The following PPP6R3 variants were observed in gnomAD, a reference collection of about 807,000 sequenced individuals.
The protein encoded by PPP6R3 is serine/threonine-protein phosphatase 6 regulatory subunit 3.
Under a neutral mutation model 110.7 loss-of-function variants are expected in PPP6R3, and 38 were observed. That is an observed-to-expected ratio of 0.34 (90% CI 0.26 to 0.45). The LOEUF (loss-of-function observed/expected upper bound fraction) is 0.45. PPP6R3 is among the 20% of genes least tolerant of loss of function. The pLI, the probability that PPP6R3 is intolerant of heterozygous loss-of-function variation, is 1.00. For missense variants in PPP6R3, 870 were observed against 1,062.4 expected (o/e 0.82, Z 2.52); for synonymous variants, 369 against 373.5 (o/e 0.99, Z 0.14).
At chr11:68,527,679 T>C (rs1393577984) in intron 2 of PPP6R3, among the ~76,000 whole-genome samples, 1 of 152,270 alleles carries the variant, frequency 6.6e-6, no homozygotes, top group Non-Finnish European at 1.5e-5. Flanking sequence ...TTTTAATGCA[T>C]ACTTTCCTCA....
chr11:68,594,321 AAAG>A (rs1447438265), intron 18 of PPP6R3, among the ~76,000 whole-genome samples: 2 of 138,988 alleles, frequency 1.4e-5, no homozygotes, highest in African/African-American at 5.7e-5. Flanking sequence ...AGAGAGAGAA[AAAG>A]AGAGAGAGAG....
chr11:68,609,496 C>A (rs1395146782), intron 22 of PPP6R3: 2 of 1,162,376 alleles, frequency 1.7e-6, no homozygotes, highest in South Asian at 1.3e-5. Flanking sequence ...TTCACCGAGT[C>A]TGCAGTTTTG....
intron 21 of PPP6R3, among the ~76,000 whole-genome samples, chr11:68,602,560 G>A (rs545133725): frequency 1.6e-3 from 250 of 152,260 alleles, no homozygotes; most frequent in Non-Finnish European, 1.0e-4. Context: ...TGGAGGGCAC[G>A]AATCATGAGG....
At chr11:68,518,553 C>CT (rs1306436387) in intron 1 of PPP6R3, among the ~76,000 whole-genome samples, 2 of 152,160 alleles carry the variant, frequency 1.3e-5, no homozygotes, top group Non-Finnish European at 2.9e-5. Flanking sequence ...GCCACATGGT[C>CT]TGTTCTCATT....
intron 4 of PPP6R3, 49 bp downstream of exon 4, chr11:68,545,073 G>A (rs375322608): frequency 4.2e-6 from 6 of 1,421,198 alleles, no homozygotes; most frequent in East Asian, 2.3e-5. Flanking sequence ...TCATCCCCTT[G>A]AGGTGATCCC....
rs1365507924 is a variant in PPP6R3, at chr11:68,484,224, C to T, written c.-158+23397C>T. Among the ~76,000 whole-genome samples, 4 of 152,106 alleles carry T rather than the reference C, an allele frequency of 2.6e-5. No individual in the cohort carries two copies. The East Asian group carries it at 5.8e-4, about 22-fold the overall frequency. On this transcript the variant is annotated intron_variant, in intron 1 of 23. Coordinates refer to ENST00000393800, the MANE Select transcript of PPP6R3 (RefSeq NM_001164161.2). Reference sequence around the variant, plus strand: ...GGACGTAAGTTTTTTCACTTTACTTCGGCAGATACCAAGGAGTATGATTAC... The same window carrying T: ...GGACGTAAGTTTTTTCACTTTACTTTGGCAGATACCAAGGAGTATGATTAC...
intron 21 of PPP6R3, among the ~76,000 whole-genome samples, chr11:68,602,237 A>T (rs886690300): frequency 7.2e-5 from 11 of 152,148 alleles, no homozygotes; most frequent in African/African-American, 2.7e-4. Flanking sequence ...AGCCCATAGT[A>T]CCCAGGGTGA....
rs562693699 is a variant in PPP6R3, at chr11:68,551,940, G to T, written c.618+754G>T. ...TTTGTTATACTTCCTAGCCGTGGCT[G>T]TTAAGCTCTGACAGGTTTGGCCTTA... On this transcript the variant is annotated intron_variant, in intron 6 of 23. Transcript: ENST00000393800. Among the ~76,000 whole-genome samples, 4 of 152,330 alleles carry T rather than the reference G, an allele frequency of 2.6e-5. No homozygotes were observed. In the South Asian group the frequency reaches 8.3e-4, roughly 32 times the overall value.
At chr11:68,535,688 C>T (rs2099266344) in intron 2 of PPP6R3, among the ~76,000 whole-genome samples, 1 of 151,324 alleles carries the variant, frequency 6.6e-6, no homozygotes, top group Non-Finnish European at 1.5e-5. Flanking sequence ...CTTGGCCGGG[C>T]ACGGTAACTC....
intron 5 of PPP6R3, among the ~76,000 whole-genome samples, chr11:68,549,790 A>G (rs1358295075): frequency 6.6e-6 from 1 of 151,964 alleles, no homozygotes; most frequent in African/African-American, 2.4e-5. Context: ...GGAGAGAGAG[A>G]GCGATAGGAG....
intron 1 of PPP6R3, among the ~76,000 whole-genome samples, chr11:68,472,349 C>T (rs1325181741): frequency 1.3e-5 from 2 of 152,088 alleles, no homozygotes; most frequent in Non-Finnish European, 2.9e-5. Flanking sequence ...CTTCTTTGTC[C>T]TGCCATTGGA....
intron 15 of PPP6R3, 173 bp from the exon 16 acceptor site, chr11:68,587,754 T>C: frequency 2.9e-6 from 2 of 697,206 alleles, no homozygotes; most frequent in Non-Finnish European, 5.1e-6. Flanking sequence ...AAACGTTTCC[T>C]TTTTTGGCAA....
chr11:68,531,882 A>G (rs1429275079), intron 2 of PPP6R3, among the ~76,000 whole-genome samples: 2 of 152,210 alleles, frequency 1.3e-5, no homozygotes, highest in Non-Finnish European at 2.9e-5. Context: ...CCAGGTCTGT[A>G]AGATTCTTAG....
intron 14 of PPP6R3, among the ~76,000 whole-genome samples, chr11:68,582,386 C>T (rs530564841): frequency 2.6e-5 from 4 of 152,310 alleles, no homozygotes; most frequent in South Asian, 4.1e-4. Context: ...AATCACTTAA[C>T]GATGAATTGG....
At chr11:68,487,796 T>G (rs762584672) in intron 1 of PPP6R3, among the ~76,000 whole-genome samples, 12 of 152,180 alleles carry the variant, frequency 7.9e-5, no homozygotes, top group Non-Finnish European at 1.6e-4. Context: ...TAGTGTGGGC[T>G]CTCTTGGTGA....
intron 1 of PPP6R3, among the ~76,000 whole-genome samples, chr11:68,513,766 G>A (rs977503146): frequency 3.9e-5 from 6 of 152,208 alleles, no homozygotes; most frequent in Admixed American, 6.5e-5. Context: ...TGTTTTATGC[G>A]TTTTTTGCAC....
chr11:68,531,307 T>TTTTATTTATTTATTTA (rs67798708), intron 2 of PPP6R3, among the ~76,000 whole-genome samples: 253 of 137,008 alleles, frequency 1.8e-3, no homozygotes, highest in Middle Eastern at 0.011. Flanking sequence ...TGAGACTGTG[T>TTTTATTTATTTATTTA]TTTATTTATT....
chr11:68,486,015 A>G (rs909870066), intron 1 of PPP6R3, among the ~76,000 whole-genome samples: 1 of 138,286 alleles, frequency 7.2e-6, no homozygotes, highest in Non-Finnish European at 1.6e-5. Flanking sequence ...AACTAAAAAT[A>G]CAAGAAAAAA....
At chr11:68,565,841 T>C (rs1593241770) in intron 9 of PPP6R3, among the ~76,000 whole-genome samples, 1 of 152,296 alleles carries the variant, frequency 6.6e-6, no homozygotes, top group East Asian at 1.9e-4. Flanking sequence ...AGTAGATCCA[T>C]GAAGTTTTTT....
Sources: allele counts gnomAD v4.1 joint callset (sites outside exome capture counted in the v4.1 genomes callset), GRCh38; gene constraint gnomAD v4.1.1; transcripts MANE v1.5; gene names NCBI Gene and HGNC (gene_info 2026-07-23, HGNC 2026-07-21).